PTPRG: variants seen among roughly 807,000 people sequenced by gnomAD.
PTPRG encodes protein tyrosine phosphatase receptor type G.
A neutral mutation model predicts 165.3 loss-of-function variants in PTPRG; 102 were observed. The observed-to-expected ratio is 0.62, with a 90% CI of 0.53 to 0.73. PTPRG has a LOEUF of 0.73. Among genes scored for constraint, PTPRG ranks in the 30% least tolerant of loss-of-function variants. The probability of loss-of-function intolerance (pLI) is 0.00; values close to 1 mark genes in which losing one functional copy is unlikely to be tolerated. For missense variants in PTPRG, 1,866 were observed against 1,861.4 expected (o/e 1.00, Z -0.05); for synonymous variants, 675 against 669.5 (o/e 1.01, Z -0.13).
chr3:61,740,958 TTTACTTTTTGGGACAC>T (rs2032958019), intron 1 of PTPRG, among the ~76,000 whole-genome samples: 1 of 152,184 alleles, frequency 6.6e-6, no homozygotes, highest in Non-Finnish European at 1.5e-5. Context: ...ACTTTTTCAT[TTTACTTTTTGGGACAC>T]TCACCGAGCA....
chr3:62,106,767 T>C (rs966333468), intron 5 of PTPRG, among the ~76,000 whole-genome samples: 2 of 152,186 alleles, frequency 1.3e-5, no homozygotes, highest in African/African-American at 4.8e-5. Context: ...CAGTCTTGTG[T>C]TTCATCTGGC....
intron 2 of PTPRG, among the ~76,000 whole-genome samples, chr3:61,810,849 T>C (rs2035552713): frequency 6.6e-6 from 1 of 151,914 alleles, no homozygotes; most frequent in Admixed American, 6.6e-5. Flanking sequence ...TTTGCTTTTG[T>C]GGGCTTTTAC....
intron 5 of PTPRG, among the ~76,000 whole-genome samples, chr3:62,114,041 G>A (rs926641932): frequency 5.3e-5 from 8 of 152,166 alleles, no homozygotes; most frequent in African/African-American, 9.7e-5. Context: ...GCTCGCACCC[G>A]TAATGCCAGC....
chr3:61,911,978 A>T (rs543138232), intron 2 of PTPRG, among the ~76,000 whole-genome samples: 1 of 152,260 alleles, frequency 6.6e-6, no homozygotes, highest in African/African-American at 2.4e-5. Flanking sequence ...AGGATGATTT[A>T]CGCCCCCAAT....
chr3:62,157,323 T>G, intron 7 of PTPRG, 99 bp downstream of exon 7: 1 of 1,282,044 alleles, frequency 7.8e-7, no homozygotes, highest in African/African-American at 1.5e-5. Context: ...AATTTGTTCT[T>G]GATCCTGTGC....
At chr3:61,795,589 G>A (rs2035017677) in intron 2 of PTPRG, among the ~76,000 whole-genome samples, 2 of 134,172 alleles carry the variant, frequency 1.5e-5, no homozygotes, top group South Asian at 2.5e-4. Flanking sequence ...GCAGTGAGCC[G>A]AGATCGTGCC....
chr3:62,074,180 A>AGTGTGTGT (rs140019903), intron 4 of PTPRG, among the ~76,000 whole-genome samples: 3,561 of 143,632 alleles, frequency 0.025, 75 homozygotes, highest in African/African-American at 0.057. Flanking sequence ...AAAAAGTGAG[A>AGTGTGTGT]GTGTGTGTGT....
intron 1 of PTPRG, among the ~76,000 whole-genome samples, chr3:61,623,147 T>C (rs1286705705): frequency 6.6e-6 from 1 of 152,184 alleles, no homozygotes; most frequent in Non-Finnish European, 1.5e-5. Flanking sequence ...AAGGGTATGA[T>C]AGATTTTTTT....
At chr3:61,610,759 C>A (rs1701141438) in intron 1 of PTPRG, among the ~76,000 whole-genome samples, 1 of 136,428 alleles carries the variant, frequency 7.3e-6, no homozygotes, top group Non-Finnish European at 1.6e-5. Context: ...GCCTCCCTCC[C>A]TCCCTCCCTC....
intron 5 of PTPRG, among the ~76,000 whole-genome samples, chr3:62,097,831 G>C (rs1475815607): frequency 1.3e-5 from 2 of 152,086 alleles, no homozygotes; most frequent in Non-Finnish European, 2.9e-5. Context: ...ACATTATCTC[G>C]TGAAGCACTT....
chr3:61,676,144 A>G (rs1703206794), intron 1 of PTPRG, among the ~76,000 whole-genome samples: 1 of 152,138 alleles, frequency 6.6e-6, no homozygotes, highest in Non-Finnish European at 1.5e-5. Flanking sequence ...AACAATCATG[A>G]AAAATCTTTG....
chr3:62,160,864 A>ATTTTTTTTTTTTTTTTTT (rs5849464), intron 7 of PTPRG, among the ~76,000 whole-genome samples: 2 of 103,986 alleles, frequency 1.9e-5, no homozygotes, highest in African/African-American at 7.5e-5. Flanking sequence ...TAGATGTGTG[A>ATTTTTTTTTTTTTTTTTT]TTTTTTTTTT....
At chr3:61,864,445 C>A (rs552288967) in intron 2 of PTPRG, among the ~76,000 whole-genome samples, 1 of 151,880 alleles carries the variant, frequency 6.6e-6, no homozygotes, top group Non-Finnish European at 1.5e-5. Context: ...TCCCGGGCTT[C>A]TAATTCTCTC....
At chr3:61,945,981 C>CTTGATTGA (rs3069551) in intron 2 of PTPRG, among the ~76,000 whole-genome samples, 36 of 151,652 alleles carry the variant, frequency 2.4e-4, no homozygotes, top group African/African-American at 8.3e-4. Context: ...AGCCAACTTT[C>CTTGATTGA]TTGATTGATT....
At chr3:61,777,962 GT>G (rs2034434427) in intron 2 of PTPRG, among the ~76,000 whole-genome samples, 1 of 152,164 alleles carries the variant, frequency 6.6e-6, no homozygotes, top group East Asian at 1.9e-4. Flanking sequence ...TTAGCTTATA[GT>G]TGGTTCTTCA....
At chr3:62,109,161 G>GATTTTT (rs1208698163) in intron 5 of PTPRG, among the ~76,000 whole-genome samples, 1 of 152,140 alleles carries the variant, frequency 6.6e-6, no homozygotes, top group Non-Finnish European at 1.5e-5. Flanking sequence ...TTTCTTCTAG[G>GATTTTT]ATTTTTATGG....
At chr3:61,573,215 G>A (rs1320419785) in intron 1 of PTPRG, among the ~76,000 whole-genome samples, 1 of 152,054 alleles carries the variant, frequency 6.6e-6, no homozygotes, top group Admixed American at 6.6e-5. Context: ...CTCTTGATCA[G>A]TTTCTTGTTA....
intron 1 of PTPRG, among the ~76,000 whole-genome samples, chr3:61,563,297 G>A (rs955632549): frequency 6.6e-6 from 1 of 152,160 alleles, no homozygotes; most frequent in Non-Finnish European, 1.5e-5. Context: ...TTCTGGCCAG[G>A]TTAAGACAGG....
At chr3:62,169,014 C>A (rs150783036) in intron 8 of PTPRG, among the ~76,000 whole-genome samples, 1 of 152,242 alleles carries the variant, frequency 6.6e-6, no homozygotes, top group African/African-American at 2.4e-5. Context: ...TTCAGATGCT[C>A]CTTCTCTTCT....
Sources: gnomAD v4.1 joint callset for allele counts (sites outside exome capture counted in the v4.1 genomes callset) on GRCh38, gnomAD v4.1.1 for gene constraint, MANE v1.5 for transcripts, NCBI Gene and HGNC (gene_info 2026-07-23, HGNC 2026-07-21) for gene names.